FOCAD: variants seen among roughly 807,000 people sequenced by gnomAD.
FOCAD encodes focadhesin.
FOCAD carries 198 observed loss-of-function variants against 225.6 expected under a neutral mutation model. The observed-to-expected ratio is 0.88, with a 90% CI of 0.78 to 0.99. FOCAD has a LOEUF of 0.99. Among genes scored for constraint, FOCAD ranks in the 50% least tolerant of loss-of-function variants. The pLI is 0.00. For missense variants in FOCAD, 2,713 were observed against 2,123.6 expected (o/e 1.28, Z -5.46); for synonymous variants, 897 against 755.0 (o/e 1.19, Z -3.08).
At position 20,866,940 on chromosome 9, in the gene FOCAD, A is replaced by AC. The variant is rs1829334972; in HGVS notation, c.2118_2119insC (p.Ala707ArgfsTer6). The AC allele has an allele frequency of 1.2e-6, 1 of 818,414 alleles. No homozygotes were observed. The highest frequency in any genetic ancestry group is 2.2e-5 in the African/African-American group (1 of 45,050). 50.7% of individuals were successfully genotyped at this position (818,414 alleles called of 1,614,324 possible). The stretch of plus-strand genomic sequence containing the variant: ...TTTACCCTATCTAGGACCCAATTGT[A>AC]GCAAATGCTGCATATAGATCCCTGG... On this transcript the variant is annotated frameshift_variant, in exon 18 of 44. Coordinates refer to ENST00000338382, the MANE Select transcript of FOCAD (RefSeq NM_001375567.1). LOFTEE classifies it high-confidence loss of function.
chr9:20,950,851 C>G (rs2132374133), intron 33 of FOCAD, 145 bp from the exon 34 acceptor site: 1 of 663,990 alleles, frequency 1.5e-6, no homozygotes, highest in Non-Finnish European at 2.7e-6. Flanking sequence ...GTACTAGACA[C>G]ATGATATTAC....
chr9:20,824,513 A>G (rs546719001), intron 15 of FOCAD, among the ~76,000 whole-genome samples: 4 of 152,130 alleles, frequency 2.6e-5, no homozygotes, highest in East Asian at 1.9e-4. Flanking sequence ...CAGTTTATCA[A>G]TGCTTTTTAA....
chr9:20,902,001 T>C (rs1832603307), intron 21 of FOCAD, among the ~76,000 whole-genome samples: 1 of 151,938 alleles, frequency 6.6e-6, no homozygotes, highest in Admixed American at 6.6e-5. Context: ...TTGAACACCA[T>C]AATTTTCTAC....
At chr9:20,816,271 A>G (rs1389045128) in intron 11 of FOCAD, among the ~76,000 whole-genome samples, 1 of 152,202 alleles carries the variant, frequency 6.6e-6, no homozygotes, top group African/African-American at 2.4e-5. Flanking sequence ...TTGCCCTTCT[A>G]AAAACTAAGA....
chr9:20,844,675 A>G (rs1454914252), intron 15 of FOCAD, among the ~76,000 whole-genome samples: 1 of 151,918 alleles, frequency 6.6e-6, no homozygotes, highest in Non-Finnish European at 1.5e-5. Flanking sequence ...CTAACCATTG[A>G]TGGTACACTT....
At chr9:20,857,212 A>G (rs1203513082) in intron 15 of FOCAD, among the ~76,000 whole-genome samples, 4 of 152,082 alleles carry the variant, frequency 2.6e-5, no homozygotes, top group African/African-American at 9.7e-5. Flanking sequence ...GATTCTTCCA[A>G]TTTATGAACA....
chr9:20,794,628 A>G (rs10757146), intron 11 of FOCAD, among the ~76,000 whole-genome samples: 31,314 of 152,152 alleles, frequency 0.21, 3,518 homozygotes, highest in Non-Finnish European at 0.25. Flanking sequence ...TAATTTATCA[A>G]TACCATAATA....
chr9:20,828,314 C>T (rs1389432468), intron 15 of FOCAD, among the ~76,000 whole-genome samples: 1 of 152,060 alleles, frequency 6.6e-6, no homozygotes, highest in Non-Finnish European at 1.5e-5. Flanking sequence ...CAAACATAAA[C>T]AATAGAATAT....
rs545937732 is a variant in FOCAD at position 20,836,329 on chromosome 9, G to A, written c.1920+13214G>A. 2.0e-5 allele frequency among the ~76,000 whole-genome samples: 3 copies of A among 152,114 alleles called. No homozygotes were observed. The South Asian group carries it at 6.2e-4, about 32-fold the overall frequency. On this transcript the variant is annotated intron_variant, in intron 15 of 43. Coordinates refer to ENST00000338382, the MANE Select transcript of FOCAD (RefSeq NM_001375567.1). ...CAGTAAGGCTTCTGTCGCCTACTGT[G>A]GATTCAGTATTTATTACACTCTGGA...
chr9:20,911,160 A>T (rs1390547275), intron 22 of FOCAD, among the ~76,000 whole-genome samples: 1 of 152,166 alleles, frequency 6.6e-6, no homozygotes, highest in Non-Finnish European at 1.5e-5. Context: ...GGAGGCCAAT[A>T]TTAATATCTT....
intron 35 of FOCAD, among the ~76,000 whole-genome samples, chr9:20,963,091 C>T (rs1404075080): frequency 6.6e-6 from 1 of 152,136 alleles, no homozygotes; most frequent in Non-Finnish European, 1.5e-5. Context: ...TCCTCTCATT[C>T]CAGTTAGTGT....
chr9:20,938,847 C>T lies in FOCAD; in HGVS notation c.3407+5744C>T, dbSNP rs1287109843. On this transcript the variant is annotated intron_variant, in intron 28 of 43. Transcript: ENST00000338382. ...CCATATTTATTACAAATATTTTTCT[C>T]AGTCATTTTGCTGATTTACTTTTTA... Among the ~76,000 whole-genome samples the T allele has an allele frequency of 7.9e-5, 12 of 151,880 alleles. No individual in the cohort carries two copies. In the East Asian group the frequency reaches 2.3e-3, roughly 29 times the overall value.
chr9:20,852,809 G>C (rs1827802049), intron 15 of FOCAD, among the ~76,000 whole-genome samples: 1 of 151,568 alleles, frequency 6.6e-6, no homozygotes. Flanking sequence ...TTAGATGGAT[G>C]ATATTTTTAT....
At chr9:20,803,056 T>C (rs777659489) in intron 11 of FOCAD, among the ~76,000 whole-genome samples, 42 of 152,132 alleles carry the variant, frequency 2.8e-4, no homozygotes, top group Admixed American at 1.8e-3. Flanking sequence ...CCTGGTGACA[T>C]TTTACTTTAT....
At chr9:20,757,717 G>A (rs1213724127) in intron 5 of FOCAD, among the ~76,000 whole-genome samples, 1 of 152,130 alleles carries the variant, frequency 6.6e-6, no homozygotes, top group Non-Finnish European at 1.5e-5. Flanking sequence ...AGCAGCGGTA[G>A]CAGGAGGAGG....
At position 20,715,401 on chromosome 9, in the gene FOCAD, C is replaced by G. The variant is rs1825248895; in HGVS notation, c.48C>G (p.Ile16Met). 2 of 1,514,818 alleles carry G rather than the reference C, an allele frequency of 1.3e-6. No homozygotes were observed. The highest frequency in any genetic ancestry group is 2.4e-5 in the East Asian group (1 of 41,984). The allele number at this position is 1,514,818 out of a possible 1,614,324, so 93.8% of individuals were successfully genotyped here. ...GGTTTGAATTTCCAAATTCTCTTAT[C>G]CAATCACAGGTAATTTTGTTTGTTT... The part of the protein sequence containing the change: ...RKRFEFPNSL[I>M]QSQAVGHLIA... Residue 16 changes from isoleucine to methionine, a missense_variant, in exon 2 of 44, where the codon ATC becomes ATG. Transcript: ENST00000338382.
intron 11 of FOCAD, among the ~76,000 whole-genome samples, chr9:20,799,994 C>G (rs1400853850): frequency 3.3e-5 from 5 of 152,082 alleles, no homozygotes; most frequent in Non-Finnish European, 1.5e-5. Context: ...ACCAGTTGTT[C>G]CTTTTCATGT....
chr9:20,813,748 T>C (rs1278554751), intron 11 of FOCAD, among the ~76,000 whole-genome samples: 1 of 152,202 alleles, frequency 6.6e-6, no homozygotes, highest in Non-Finnish European at 1.5e-5. Flanking sequence ...GACCATTTGG[T>C]CTACAGTGTT....
At chr9:20,753,632 G>T (rs1171996474) in intron 5 of FOCAD, among the ~76,000 whole-genome samples, 1 of 151,912 alleles carries the variant, frequency 6.6e-6, no homozygotes, top group Non-Finnish European at 1.5e-5. Context: ...TTTTTTGGTT[G>T]TGTCTCTGCC....
Sources: gnomAD v4.1 joint callset for allele counts (sites outside exome capture counted in the v4.1 genomes callset) on GRCh38, gnomAD v4.1.1 for gene constraint, MANE v1.5 for transcripts, NCBI Gene and HGNC (gene_info 2026-07-23, HGNC 2026-07-21) for gene names.